The following NEGR1 variants were observed in gnomAD, a reference collection of about 807,000 sequenced individuals.
The protein encoded by NEGR1 is IgLON family member 4.
A neutral mutation model predicts 40.9 loss-of-function variants in NEGR1; 10 were observed. That is an observed-to-expected ratio of 0.24 (90% CI 0.15 to 0.42). The LOEUF is 0.42. NEGR1 is among the 10% of genes least tolerant of loss of function. NEGR1 has a pLI of 1.00. For missense variants in NEGR1, 352 were observed against 438.9 expected, an observed-to-expected ratio of 0.80 and a Z score of 1.77; for synonymous variants, 185 against 166.8, an observed-to-expected ratio of 1.11 and a Z score of -0.84.
At chr1:71,872,393 A>T (rs1353305365) in intron 2 of NEGR1, among the ~76,000 whole-genome samples, 3 of 152,168 alleles carry the variant, frequency 2.0e-5, no homozygotes, top group African/African-American at 7.2e-5. Context: ...AACTCTGTTC[A>T]CCGCGTATTT....
intron 2 of NEGR1, among the ~76,000 whole-genome samples, chr1:71,860,348 T>C (rs560124926): frequency 1.3e-5 from 2 of 152,152 alleles, no homozygotes; most frequent in East Asian, 3.9e-4. Context: ...ATACTTTTTA[T>C]TACTATCTCT....
intron 3 of NEGR1, among the ~76,000 whole-genome samples, chr1:71,705,292 G>A (rs985819472): frequency 6.6e-6 from 1 of 152,008 alleles, no homozygotes; most frequent in African/African-American, 2.4e-5. Flanking sequence ...CCATAAATAC[G>A]ATTTAGAAGG....
intron 3 of NEGR1, among the ~76,000 whole-genome samples, chr1:71,719,811 G>A (rs1173727140): frequency 3.9e-5 from 6 of 151,984 alleles, no homozygotes; most frequent in Admixed American, 1.3e-4. Context: ...GGTGTGTGAT[G>A]TTCTCCTCCC....
At chr1:71,873,937 A>G (rs1042300700) in intron 2 of NEGR1, among the ~76,000 whole-genome samples, 1 of 152,190 alleles carries the variant, frequency 6.6e-6, no homozygotes, top group Non-Finnish European at 1.5e-5. Context: ...TGGAAAAATC[A>G]GAGTAAGAAA....
chr1:71,798,947 A>C (rs1433450723), intron 2 of NEGR1, among the ~76,000 whole-genome samples: 1 of 151,872 alleles, frequency 6.6e-6, no homozygotes, highest in Non-Finnish European at 1.5e-5. Context: ...GACAGTTATC[A>C]CTCTGCATTA....
chr1:72,135,142 C>T (rs1166249307), intron 1 of NEGR1, among the ~76,000 whole-genome samples: 3 of 149,928 alleles, frequency 2.0e-5, no homozygotes, highest in African/African-American at 4.9e-5. Context: ...TTTGGGAGGC[C>T]GAGATGGGAG....
intron 2 of NEGR1, among the ~76,000 whole-genome samples, chr1:71,905,149 C>T (rs1184563713): frequency 1.3e-5 from 2 of 152,044 alleles, no homozygotes; most frequent in Non-Finnish European, 2.9e-5. Flanking sequence ...TGGAAAAATA[C>T]TTGAAGTGTC....
chr1:71,653,874 AAC>A lies in NEGR1; in HGVS notation c.668-42730_668-42729del, dbSNP rs145510110. Among the ~76,000 whole-genome samples, 349 of 152,278 alleles carry A rather than the reference AAC, an allele frequency of 2.3e-3. 2 individuals are homozygous for A. Among genetic ancestry groups the A allele is most frequent in the African/African-American group, 7.8e-3 (324 of 41,564 alleles). ...TAAATTGTCAAGTTCACACAGCTGA[AAC>A]ACAGCAAAGTCACTTTCAAAACCCA... On this transcript the variant is annotated intron_variant, in intron 4 of 6. Coordinates refer to ENST00000357731, the MANE Select transcript of NEGR1 (RefSeq NM_173808.3).
At chr1:72,075,587 C>T (rs774607787) in intron 1 of NEGR1, among the ~76,000 whole-genome samples, 1 of 152,156 alleles carries the variant, frequency 6.6e-6, no homozygotes, top group Non-Finnish European at 1.5e-5. Flanking sequence ...TCCTAATTTT[C>T]ATCCAAGTTT....
chr1:72,264,829 A>T (rs1329425804), intron 1 of NEGR1, among the ~76,000 whole-genome samples: 1 of 150,884 alleles, frequency 6.6e-6, no homozygotes, highest in Non-Finnish European at 1.5e-5. Flanking sequence ...CTTCGTAGAA[A>T]ACTACCTTTT....
At chr1:71,877,471 C>A (rs1660465548) in intron 2 of NEGR1, among the ~76,000 whole-genome samples, 3 of 152,126 alleles carry the variant, frequency 2.0e-5, no homozygotes, top group Admixed American at 6.5e-5. Context: ...TTCACATATT[C>A]TTCCCTCTGT....
intron 6 of NEGR1, among the ~76,000 whole-genome samples, chr1:71,419,989 A>G (rs974976878): frequency 2.0e-5 from 3 of 152,048 alleles, no homozygotes; most frequent in African/African-American, 7.2e-5. Context: ...TAAAAAACAG[A>G]GAGAGGTGTG....
rs148430823 is a variant in NEGR1 at position 71,500,866 on chromosome 1, A to C, written c.940+91951T>G. ...ATGTTCTTTAAATAGTTGTTATACT[A>C]TATGTTTTATTTGTATTATTATAAT... On this transcript the variant is annotated intron_variant, in intron 6 of 6. Transcript: ENST00000357731. Among the ~76,000 whole-genome samples the C allele has an allele frequency of 1.6e-3, 247 of 152,092 alleles. 1 individual carries two copies. Among genetic ancestry groups the C allele is most frequent in the South Asian group, 4.1e-3 (20 of 4,820 alleles).
intron 3 of NEGR1, among the ~76,000 whole-genome samples, chr1:71,773,009 C>A (rs1254977829): frequency 6.6e-6 from 1 of 151,932 alleles, no homozygotes; most frequent in Non-Finnish European, 1.5e-5. Flanking sequence ...CTCACATATC[C>A]AGAAACATCT....
Position 71,400,731 on chromosome 1 carries a change from C to G in NEGR1, c.*6715G>C, listed in dbSNP as rs958603264. 2.6e-5 allele frequency: 4 copies of G among 151,690 alleles called. No homozygotes were observed. The highest frequency in any genetic ancestry group is 9.7e-5 in the African/African-American group (4 of 41,282). 9.4% of individuals were successfully genotyped at this position (151,690 alleles called of 1,614,324 possible). A position where few individuals can be genotyped will look rare whatever the true frequency, so the allele number is the denominator to read the frequency against. ...GTTAGCAATGAATTTAATTCAATGG[C>G]TTTAAAAATTTTACATCTCGTCTGG... is the stretch of plus-strand genomic sequence containing the variant. On this transcript the variant is annotated 3_prime_UTR_variant, in exon 7 of 7. Coordinates refer to ENST00000357731, the MANE Select transcript of NEGR1 (RefSeq NM_173808.3).
chr1:71,639,864 A>G (rs536724833), intron 4 of NEGR1, among the ~76,000 whole-genome samples: 1 of 152,192 alleles, frequency 6.6e-6, no homozygotes, highest in South Asian at 2.1e-4. Flanking sequence ...GAAACCAATC[A>G]GGACTTACAA....
At chr1:72,095,403 A>G (rs1172160497) in intron 1 of NEGR1, among the ~76,000 whole-genome samples, 1 of 152,082 alleles carries the variant, frequency 6.6e-6, no homozygotes. Flanking sequence ...TTTCAAGAGT[A>G]TAATTCTTTA....
chr1:71,729,006 T>A (rs1217741512), intron 3 of NEGR1, among the ~76,000 whole-genome samples: 2 of 151,850 alleles, frequency 1.3e-5, no homozygotes, highest in Non-Finnish European at 1.5e-5. Flanking sequence ...AATGGAAACT[T>A]TTTTTTTACC....
At chr1:71,974,754 G>A (rs1332290227) in intron 1 of NEGR1, among the ~76,000 whole-genome samples, 1 of 152,066 alleles carries the variant, frequency 6.6e-6, no homozygotes, top group Non-Finnish European at 1.5e-5. Context: ...CAGTATCAGA[G>A]ATTAGCAACT....
Sources: gnomAD v4.1 joint callset for allele counts (sites outside exome capture counted in the v4.1 genomes callset) on GRCh38, gnomAD v4.1.1 for gene constraint, MANE v1.5 for transcripts, NCBI Gene and HGNC (gene_info 2026-07-23, HGNC 2026-07-21) for gene names.